MACROD2: variants seen among roughly 807,000 people sequenced by gnomAD.
The protein encoded by MACROD2 is ADP-ribose glycohydrolase MACROD2.
MACROD2 carries 36 observed loss-of-function variants against 70.4 expected under a neutral mutation model. The ratio of observed to expected loss-of-function variants is 0.51; its 90% confidence interval spans 0.39 to 0.68. MACROD2 has a LOEUF of 0.68. Among genes scored for constraint, MACROD2 ranks in the 30% least tolerant of loss-of-function variants. The pLI is 0.00. For missense variants in MACROD2, 496 were observed against 538.4 expected, an observed-to-expected ratio of 0.92 and a Z score of 0.78; for synonymous variants, 172 against 178.8, an observed-to-expected ratio of 0.96 and a Z score of 0.30.
At chr20:15,170,686 G>A (rs2076416446) in intron 5 of MACROD2, among the ~76,000 whole-genome samples, 2 of 152,186 alleles carry the variant, frequency 1.3e-5, no homozygotes, top group Non-Finnish European at 2.9e-5. Flanking sequence ...AGCCATTTAA[G>A]TTGGGGGACT....
chr20:14,954,763 T>TTATAAATATATAAATATATAAATAAA (rs2074509690), intron 5 of MACROD2, among the ~76,000 whole-genome samples: 2 of 48,610 alleles, frequency 4.1e-5, no homozygotes, highest in South Asian at 9.6e-4. Context: ...TATAAATAAA[T>TTATAAATATATAAATATATAAATAAA]TTTATATAAC....
At chr20:15,503,238 G>A (rs1310747277) in intron 8 of MACROD2, among the ~76,000 whole-genome samples, 2 of 152,172 alleles carry the variant, frequency 1.3e-5, no homozygotes, top group Non-Finnish European at 2.9e-5. Flanking sequence ...TGGTATAAGA[G>A]CATGTTTATA....
intron 5 of MACROD2, among the ~76,000 whole-genome samples, chr20:14,918,875 G>A (rs1344593252): frequency 6.6e-6 from 1 of 152,050 alleles, no homozygotes; most frequent in East Asian, 1.9e-4. Context: ...ACAATCAGCT[G>A]TATGTATGTC....
At chr20:13,996,994 G>C (rs1027304588) in intron 1 of MACROD2, among the ~76,000 whole-genome samples, 4 of 152,134 alleles carry the variant, frequency 2.6e-5, no homozygotes, top group African/African-American at 9.7e-5. Flanking sequence ...AGGCAAAACA[G>C]TGGAGGTAAG....
At chr20:15,962,637 A>G (rs2066079609) in intron 12 of MACROD2, among the ~76,000 whole-genome samples, 1 of 152,218 alleles carries the variant, frequency 6.6e-6, no homozygotes, top group South Asian at 2.1e-4. Flanking sequence ...ATGATCCCTA[A>G]TTTGAAAATC....
chr20:14,140,344 C>G (rs1184248752), intron 3 of MACROD2, among the ~76,000 whole-genome samples: 1 of 152,078 alleles, frequency 6.6e-6, no homozygotes, highest in South Asian at 2.1e-4. Context: ...AAATGATAAA[C>G]TTTTTAATGT....
intron 3 of MACROD2, among the ~76,000 whole-genome samples, chr20:14,275,150 C>T (rs2082239409): frequency 1.3e-5 from 2 of 151,716 alleles, no homozygotes; most frequent in Non-Finnish European, 3.0e-5. Flanking sequence ...CATATGGAAC[C>T]AAAAAAGAGC....
chr20:14,605,056 A>C (rs572221460), intron 4 of MACROD2, among the ~76,000 whole-genome samples: 2 of 152,206 alleles, frequency 1.3e-5, no homozygotes, highest in African/African-American at 4.8e-5. Context: ...TGAAGTAGCT[A>C]TAACACTTTA....
intron 3 of MACROD2, among the ~76,000 whole-genome samples, chr20:14,395,626 C>A (rs1401651503): frequency 6.6e-6 from 1 of 151,890 alleles, no homozygotes; most frequent in Non-Finnish European, 1.5e-5. Flanking sequence ...TTCTTCTGCT[C>A]ATTTTGTGTT....
chr20:15,050,460 CAT>C (rs899679552), intron 5 of MACROD2, among the ~76,000 whole-genome samples: 2 of 146,116 alleles, frequency 1.4e-5, no homozygotes, highest in Admixed American at 6.8e-5. Context: ...TAAAAAGTAA[CAT>C]AATTTTAACA....
chr20:16,045,507 T>C (rs1169813413), intron 17 of MACROD2, among the ~76,000 whole-genome samples: 3 of 152,076 alleles, frequency 2.0e-5, no homozygotes, highest in Non-Finnish European at 4.4e-5. Context: ...TTAGGCTCCT[T>C]TTCTCTTTGA....
chr20:15,057,341 C>A (rs2123069294), intron 5 of MACROD2, among the ~76,000 whole-genome samples: 1 of 152,208 alleles, frequency 6.6e-6, no homozygotes, highest in East Asian at 1.9e-4. Context: ...GTAAAGTAAA[C>A]ATTTCTCCTT....
At chr20:14,969,638 C>T (rs2074672547) in intron 5 of MACROD2, among the ~76,000 whole-genome samples, 1 of 151,892 alleles carries the variant, frequency 6.6e-6, no homozygotes, top group Admixed American at 6.6e-5. Flanking sequence ...ATGTAAGTGC[C>T]TTTGATTTTT....
intron 5 of MACROD2, among the ~76,000 whole-genome samples, chr20:14,891,785 A>G (rs1217177683): frequency 6.6e-6 from 1 of 152,202 alleles, no homozygotes; most frequent in African/African-American, 2.4e-5. Flanking sequence ...TATAGCAACA[A>G]TAAAAGATGG....
intron 4 of MACROD2, among the ~76,000 whole-genome samples, chr20:14,550,201 G>T (rs567383788): frequency 4.6e-5 from 7 of 152,258 alleles, no homozygotes; most frequent in African/African-American, 1.7e-4. Context: ...GGGATTACAG[G>T]TGTGAGCCAC....
At chr20:15,626,583 G>A (rs915313621) in intron 8 of MACROD2, among the ~76,000 whole-genome samples, 11 of 152,182 alleles carry the variant, frequency 7.2e-5, no homozygotes, top group South Asian at 2.1e-4. Context: ...GGGTGGGCAC[G>A]CTGGCTCATG....
chr20:15,700,763 G>T (rs1331605129), intron 8 of MACROD2, among the ~76,000 whole-genome samples: 1 of 152,154 alleles, frequency 6.6e-6, no homozygotes, highest in Non-Finnish European at 1.5e-5. Context: ...GGGATACCAT[G>T]AAATATTAAT....
chr20:14,452,575 T>C (rs1301084490), intron 3 of MACROD2, among the ~76,000 whole-genome samples: 1 of 152,160 alleles, frequency 6.6e-6, no homozygotes, highest in African/African-American at 2.4e-5. Flanking sequence ...GCTTGTCTGA[T>C]GTAATTCAGC....
intron 2 of MACROD2, among the ~76,000 whole-genome samples, chr20:14,057,749 C>G (rs1031421689): frequency 6.6e-6 from 1 of 151,946 alleles, no homozygotes; most frequent in Non-Finnish European, 1.5e-5. Context: ...TTGTATTAGC[C>G]GAAACCTGGA....
Sources: gnomAD v4.1 joint callset for allele counts (sites outside exome capture counted in the v4.1 genomes callset) on GRCh38, gnomAD v4.1.1 for gene constraint, MANE v1.5 for transcripts, NCBI Gene and HGNC (gene_info 2026-07-23, HGNC 2026-07-21) for gene names.